Variants in MTREX observed in about 807,000 individuals in gnomAD.
MTREX encodes exosome RNA helicase MTR4.
Under a neutral mutation model 135.4 loss-of-function variants are expected in MTREX, and 76 were observed. That is an observed-to-expected ratio of 0.56 (90% CI 0.47 to 0.68). The LOEUF is 0.68. Ranked by LOEUF, MTREX falls within the 30% of genes least tolerant of loss-of-function variation. The probability of loss-of-function intolerance (pLI) is 0.00; values close to 1 mark genes in which losing one functional copy is unlikely to be tolerated. For synonymous variants in MTREX, 404 were observed against 401.6 expected, an observed-to-expected ratio of 1.01 and a Z score of -0.07; for missense variants, 920 against 1,262.1, an observed-to-expected ratio of 0.73 and a Z score of 4.11.
chr5:55,314,421 G>A (rs1022186762), intron 1 of MTREX, among the ~76,000 whole-genome samples: 4 of 152,158 alleles, frequency 2.6e-5, no homozygotes, highest in African/African-American at 7.2e-5. Context: ...AGTTGGGACC[G>A]AAGTAATAAC....
intron 14 of MTREX, chr5:55,356,948 G>T: frequency 6.2e-6 from 1 of 162,510 alleles, no homozygotes; most frequent in South Asian, 1.7e-4. Flanking sequence ...TGCAGATACT[G>T]GATGCCATCT....
At chr5:55,348,767 G>C (rs909629373) in intron 11 of MTREX, among the ~76,000 whole-genome samples, 11 of 152,050 alleles carry the variant, frequency 7.2e-5, no homozygotes, top group African/African-American at 2.4e-4. Flanking sequence ...TAAAGTTGCA[G>C]GGTTGCATAC....
chr5:55,377,276 G>A (rs978263297), intron 16 of MTREX, among the ~76,000 whole-genome samples: 1 of 152,196 alleles, frequency 6.6e-6, no homozygotes, highest in East Asian at 1.9e-4. Flanking sequence ...GCAGTGAGCC[G>A]AGATCACGCC....
intron 15 of MTREX, among the ~76,000 whole-genome samples, chr5:55,365,976 G>A (rs1486776992): frequency 2.0e-5 from 3 of 148,966 alleles, no homozygotes; most frequent in Non-Finnish European, 4.4e-5. Context: ...GGGCTACACA[G>A]CGAGACCCCA....
chr5:55,309,236 T>A (rs377303992), intron 1 of MTREX, among the ~76,000 whole-genome samples: 13 of 152,256 alleles, frequency 8.5e-5, no homozygotes, highest in African/African-American at 2.9e-4. Context: ...GGAATATACA[T>A]TGATTTGAGA....
chr5:55,402,872 G>GTGTGTGTGTGTGTGTA (rs70992784), intron 21 of MTREX, among the ~76,000 whole-genome samples: 183 of 138,836 alleles, frequency 1.3e-3, no homozygotes, highest in Middle Eastern at 3.6e-3. Flanking sequence ...GTGTGTGTGT[G>GTGTGTGTGTGTGTGTA]TATATATATA....
chr5:55,341,626 C>A, intron 6 of MTREX, 55 bp from the exon 7 acceptor site: 2 of 892,018 alleles, frequency 2.2e-6, no homozygotes, highest in African/African-American at 3.4e-5. Flanking sequence ...TTTTCTCTAA[C>A]TATTAGCTGT....
Position 55,425,068 on chromosome 5 carries a change from G to A in MTREX, c.*296G>A, listed in dbSNP as rs1751135912. The A allele has an allele frequency of 8.7e-7, 1 of 1,152,826 alleles. No homozygotes were observed. Among genetic ancestry groups the A allele is most frequent in the Non-Finnish European group, 1.2e-6 (1 of 815,456 alleles). 71.4% of individuals were successfully genotyped at this position (1,152,826 alleles called of 1,614,324 possible). A position where few individuals can be genotyped will look rare whatever the true frequency, so the allele number is the denominator to read the frequency against. On this transcript the variant is annotated 3_prime_UTR_variant, in exon 27 of 27. Transcript: ENST00000230640. ...TTAAAGGTAACTATGTACACACAAA[G>A]TGTGCATCCAAGAGGCATAGCAGCA...
rs192834697 is a variant in MTREX at position 55,351,855 on chromosome 5, T to C, written c.1431+826T>C. Among the ~76,000 whole-genome samples, 642 of 151,988 alleles carry C rather than the reference T, an allele frequency of 4.2e-3. 5 individuals are homozygous for C. Among genetic ancestry groups the C allele is most frequent in the African/African-American group, 0.015 (615 of 41,482 alleles). On this transcript the variant is annotated intron_variant, in intron 13 of 26. Transcript: ENST00000230640. ...ATATGACTCATACTTTTTTTTTTTTTTTTGAGGCAGAATCTTGCTCTGTCA... is the reference window on the plus strand; with the variant it reads ...ATATGACTCATACTTTTTTTTTTTTCTTTGAGGCAGAATCTTGCTCTGTCA...
chr5:55,341,620 C>G, intron 6 of MTREX, 61 bp from the exon 7 acceptor site: 1 of 821,360 alleles, frequency 1.2e-6, no homozygotes, highest in Non-Finnish European at 1.9e-6. Flanking sequence ...AACAACTTTT[C>G]TCTAACTATT....
intron 5 of MTREX, among the ~76,000 whole-genome samples, chr5:55,334,795 T>G (rs1201137070): frequency 6.6e-6 from 1 of 152,094 alleles, no homozygotes; most frequent in Non-Finnish European, 1.5e-5. Context: ...ATAATACTGA[T>G]GTAAACATTC....
At chr5:55,393,302 A>C (rs1750598985) in intron 19 of MTREX, among the ~76,000 whole-genome samples, 1 of 152,180 alleles carries the variant, frequency 6.6e-6, no homozygotes, top group East Asian at 1.9e-4. Context: ...CAGTGTTGGC[A>C]TTGCTTTTAT....
chr5:55,329,037 G>A (rs537696619), intron 5 of MTREX, among the ~76,000 whole-genome samples: 72 of 152,180 alleles, frequency 4.7e-4, no homozygotes, highest in African/African-American at 1.9e-4. Flanking sequence ...GGCTTTCATC[G>A]TTAAGCATGA....
At position 55,372,886 on chromosome 5, in the gene MTREX, A is replaced by G. The variant is rs1480143003; in HGVS notation, c.1811-5428A>G. 3.6e-5 allele frequency among the ~76,000 whole-genome samples: 5 copies of G among 140,690 alleles called. No homozygotes were observed. The East Asian group carries it at 1.1e-3, about 30-fold the overall frequency. 92.3% of individuals were successfully genotyped at this position (140,690 alleles called of 152,430 possible). A position where few individuals can be genotyped will look rare whatever the true frequency, so the allele number is the denominator to read the frequency against. On this transcript the variant is annotated intron_variant, in intron 16 of 26. Coordinates refer to ENST00000230640, the MANE Select transcript of MTREX (RefSeq NM_015360.5). ...AAATTGGATTTTACCAAAATTTAAA[A>G]CTGTAATGTGTGTGTGTGTGTGTGT...
chr5:55,330,941 A>C (rs1579852900), intron 5 of MTREX, among the ~76,000 whole-genome samples: 1 of 148,832 alleles, frequency 6.7e-6, no homozygotes, highest in South Asian at 2.1e-4. Flanking sequence ...AGGTTTATTC[A>C]CTTTTTTTTT....
intron 1 of MTREX, among the ~76,000 whole-genome samples, chr5:55,317,410 A>T (rs1298580730): frequency 6.6e-6 from 1 of 152,244 alleles, no homozygotes; most frequent in Non-Finnish European, 1.5e-5. Context: ...ACCAAACAGC[A>T]TGATACTGGT....
chr5:55,361,553 C>T (rs191795522), intron 15 of MTREX, among the ~76,000 whole-genome samples: 1 of 152,226 alleles, frequency 6.6e-6, no homozygotes, highest in Admixed American at 6.5e-5. Flanking sequence ...TTGGTCACTG[C>T]AAGTGATTCT....
intron 1 of MTREX, among the ~76,000 whole-genome samples, chr5:55,321,075 T>A (rs781004400): frequency 1.3e-5 from 2 of 152,246 alleles, no homozygotes; most frequent in Non-Finnish European, 2.9e-5. Flanking sequence ...CCAAAAATGT[T>A]ACTCATGTTA....
intron 14 of MTREX, 32 bp from the exon 15 acceptor site, chr5:55,358,541 C>T (rs753980290): frequency 1.3e-6 from 2 of 1,546,782 alleles, no homozygotes; most frequent in Non-Finnish European, 1.7e-6. Context: ...AGTTTTTTTC[C>T]TAAACTCTGA....
Sources: allele counts gnomAD v4.1 joint callset (sites outside exome capture counted in the v4.1 genomes callset), GRCh38; gene constraint gnomAD v4.1.1; transcripts MANE v1.5; gene names NCBI Gene and HGNC (gene_info 2026-07-23, HGNC 2026-07-21).